The following MFAP3 variants were observed in gnomAD, a reference collection of about 807,000 sequenced individuals.
MFAP3 encodes the protein microfibril-associated glycoprotein 3.
MFAP3 carries 8 observed loss-of-function variants against 20.5 expected under a neutral mutation model. That is an observed-to-expected ratio of 0.39 (90% CI 0.23 to 0.70). MFAP3 has a LOEUF of 0.70. Ranked by LOEUF, MFAP3 falls within the 30% of genes least tolerant of loss-of-function variation. The pLI is 0.44. For missense variants in MFAP3, 398 were observed against 444.6 expected, an observed-to-expected ratio of 0.90 and a Z score of 0.94; for synonymous variants, 140 against 154.0, an observed-to-expected ratio of 0.91 and a Z score of 0.67.
chr5:154,053,198 G>C lies in MFAP3; in HGVS notation c.574G>C (p.Gly192Arg). 1 of 1,613,896 alleles carries C rather than the reference G, an allele frequency of 6.2e-7. No homozygotes were observed. Among genetic ancestry groups the C allele is most frequent in the Non-Finnish European group, 8.5e-7 (1 of 1,179,900 alleles). ...KAINEFFRTE[G>R]AEKLQKAFEI... ...TATCAATGAGTTCTTTAGAACTGAA[G>C]GGGCTGAGAAACTTCAGAAGGCCTT... Residue 192 changes from glycine (G) to arginine (R), a missense_variant, in exon 3 of 3, where the codon GGG becomes CGG. Transcript: ENST00000522782.
chr5:154,056,367 A>G lies in MFAP3; in HGVS notation c.*2654A>G, dbSNP rs993221431. ...GTATTACTTCGTAAAGCTAGTTTTC[A>G]AGAGGAAGAAAACCACACTTACTAA... On this transcript the variant is annotated 3_prime_UTR_variant, in exon 3 of 3. Coordinates refer to ENST00000522782, the MANE Select transcript of MFAP3 (RefSeq NM_005927.5). Among the ~76,000 whole-genome samples, 1 of 152,226 alleles carries G rather than the reference A, an allele frequency of 6.6e-6. No individual in the cohort carries two copies. Among genetic ancestry groups the G allele is most frequent in the Non-Finnish European group, 1.5e-5 (1 of 68,042 alleles).
At chr5:154,047,360 G>A (rs1581863287) in intron 1 of MFAP3, among the ~76,000 whole-genome samples, 1 of 152,174 alleles carries the variant, frequency 6.6e-6, no homozygotes, top group African/African-American at 2.4e-5. Context: ...CAGTAGGTAG[G>A]CACATGGTAG....
rs773606014 is a variant in MFAP3, at chr5:154,052,924, A to G, written c.300A>G (p.Gly100=). The G allele has an allele frequency of 6.2e-7, 1 of 1,606,962 alleles. No individual in the cohort carries two copies. The highest frequency in any genetic ancestry group is 1.1e-5 in the South Asian group (1 of 90,630). ...GQQLDGRSRG[G]KWLVSDNFLN... Reference sequence around the variant, plus strand: ...TCATTTCTGTTCAATTATCAGGTGGAAAGTGGTTGGTTTCTGATAACTTCC... The same window carrying G: ...TCATTTCTGTTCAATTATCAGGTGGGAAGTGGTTGGTTTCTGATAACTTCC... Residue 100 remains glycine, a synonymous_variant, in exon 3 of 3, where the codon GGA becomes GGG. Transcript: ENST00000522782.
Position 154,052,949 on chromosome 5 carries a change from C to T in MFAP3, c.325C>T (p.Leu109=). 6.2e-7 allele frequency: 1 copy of T among 1,613,230 alleles called. No homozygotes were observed. The highest frequency in any genetic ancestry group is 1.1e-5 in the South Asian group (1 of 91,018). The change falls in exon 3 of 3, where the codon CTA becomes TTA. Residue 109 remains leucine, a synonymous_variant. Transcript: ENST00000522782. ...GGKWLVSDNF[L]NITNVAFDDR... ...AAAGTGGTTGGTTTCTGATAACTTC[C>T]TAAACATCACCAATGTAGCTTTTGA...
chr5:154,049,707 T>A lies in MFAP3; in HGVS notation c.-16T>A. 1 of 1,603,578 alleles carries A rather than the reference T, an allele frequency of 6.2e-7. No homozygotes were observed. The highest frequency in any genetic ancestry group is 8.5e-7 in the Non-Finnish European group (1 of 1,173,596). Reference sequence around the variant, plus strand: ...TGAGTTCTCCAAATCTAAACAAGATTTTGTCCCATTTTCCCATGAAGCTAC... The same window carrying A: ...TGAGTTCTCCAAATCTAAACAAGATATTGTCCCATTTTCCCATGAAGCTAC... On this transcript the variant is annotated 5_prime_UTR_variant, in exon 2 of 3. Transcript: ENST00000522782.
At chr5:154,043,740 A>AT (rs1481748986) in intron 1 of MFAP3, among the ~76,000 whole-genome samples, 46 of 103,644 alleles carry the variant, frequency 4.4e-4, no homozygotes, top group African/African-American at 8.7e-4. Context: ...ATATATATAT[A>AT]TATTTTTTTT....
At chr5:154,045,270 G>A (rs1424893896) in intron 1 of MFAP3, among the ~76,000 whole-genome samples, 1 of 152,124 alleles carries the variant, frequency 6.6e-6, no homozygotes, top group African/African-American at 2.4e-5. Context: ...CTCAAAGAGG[G>A]GAGCCGTTGG....
In MFAP3 at chr5:154,052,768, C is replaced by T. The variant is rs554646666; in HGVS notation, c.296-152C>T. ...TTCTGACTCTGGACCTCACAGTCTGCCCTTTTTTTACATGATTTAAACAAA... is the reference window on the plus strand; with the variant it reads ...TTCTGACTCTGGACCTCACAGTCTGTCCTTTTTTTACATGATTTAAACAAA... On this transcript the variant is annotated intron_variant, in intron 2 of 2. Coordinates refer to ENST00000522782, the MANE Select transcript of MFAP3 (RefSeq NM_005927.5). The T allele has an allele frequency of 1.3e-4, 87 of 658,096 alleles. 2 individuals carry two copies. In the South Asian group the frequency reaches 1.9e-3, roughly 14 times the overall value. The allele number at this position is 658,096 out of a possible 1,614,324, so 40.8% of individuals were successfully genotyped here.
Position 154,050,607 on chromosome 5 carries a change from G to A in MFAP3, c.295+590G>A, listed in dbSNP as rs1442873454. Reference sequence around the variant, plus strand: ...ACTATGGAACTTGTAAGCCCTTCCAGCTCTTTTTTTTTTTTTTTTTTTTTT... The same window carrying A: ...ACTATGGAACTTGTAAGCCCTTCCAACTCTTTTTTTTTTTTTTTTTTTTTT... On this transcript the variant is annotated intron_variant, in intron 2 of 2. Coordinates refer to ENST00000522782, the MANE Select transcript of MFAP3 (RefSeq NM_005927.5). 2.8e-5 allele frequency among the ~76,000 whole-genome samples: 3 copies of A among 105,350 alleles called. No individual in the cohort carries two copies. The Admixed American group carries it at 3.5e-4, about 12-fold the overall frequency. The allele number at this position is 105,350 out of a possible 152,430, so 69.1% of individuals were successfully genotyped here.
rs369100665 is a variant in MFAP3 at position 154,053,499 on chromosome 5, G to A, written c.875G>A (p.Arg292Gln). ...GIYVINPEMG[R>Q]SNSPGGDSDD... The stretch of plus-strand genomic sequence containing the variant: ...TATGTCATTAACCCAGAGATGGGAC[G>A]GAGTAATTCACCAGGAGGAGATTCA... Residue 292 changes from arginine to glutamine, a missense_variant, in exon 3 of 3, where the codon CGG becomes CAG. Arg to Gln is a conservative substitution (Grantham distance 43). Transcript: ENST00000522782. The A allele has an allele frequency of 5.1e-5, 82 of 1,613,726 alleles. No homozygotes were observed. The highest frequency in any genetic ancestry group is 2.7e-4 in the African/African-American group (20 of 75,006).
chr5:154,044,592 G>A (rs1581861467), intron 1 of MFAP3, among the ~76,000 whole-genome samples: 1 of 152,200 alleles, frequency 6.6e-6, no homozygotes, highest in Non-Finnish European at 1.5e-5. Flanking sequence ...CAGTGTGCCA[G>A]GTTTCTTCTG....
rs1773245380 is a variant in MFAP3 at position 154,053,329 on chromosome 5, G to A, written c.705G>A (p.Leu235=). Residue 235 remains leucine, a synonymous_variant, in exon 3 of 3, where the codon CTG becomes CTA. Transcript: ENST00000522782. ...TMEFARYIEE[L]ARSVPLPPLI... ...AGTTTGCTCGTTATATTGAAGAACT[G>A]GCAAGAAGTGTCCCTCTTCCACCTC... 3.1e-6 allele frequency: 5 copies of A among 1,614,020 alleles called. No individual in the cohort carries two copies. Among genetic ancestry groups the A allele is most frequent in the Non-Finnish European group, 4.2e-6 (5 of 1,179,944 alleles).
chr5:154,052,828 CT>C, intron 2 of MFAP3, 91 bp from the exon 3 acceptor site: 1 of 1,126,398 alleles, frequency 8.9e-7, no homozygotes, highest in Non-Finnish European at 1.3e-6. Context: ...AGTTAAAGTA[CT>C]TTGATAAAGA....
In MFAP3 at chr5:154,053,157, G is replaced by A. The variant is rs771234860; in HGVS notation, c.533G>A (p.Arg178His). The A allele has an allele frequency of 7.4e-6, 12 of 1,613,692 alleles. No homozygotes were observed. Among genetic ancestry groups the A allele is most frequent in the African/African-American group, 2.7e-5 (2 of 74,864 alleles). The part of the protein sequence containing the change: ...TRLCMMSSHL[R>H]KTEKAINEFF... ...CTGTGCATGATGAGCAGCCATCTTC[G>A]CAAGACTGAGAAGGCTATCAATGAG... Residue 178 changes from arginine (R) to histidine (H), a missense_variant, in exon 3 of 3, where the codon CGC becomes CAC. Physicochemically the swap from Arg to His is conservative, Grantham distance 29. Transcript: ENST00000522782.
chr5:154,050,875 A>G (rs555612), intron 2 of MFAP3, among the ~76,000 whole-genome samples: 93,189 of 151,778 alleles, frequency 0.61, 29,128 homozygotes, highest in East Asian at 0.88. Flanking sequence ...AATCACCATG[A>G]AAAGCCAAAG....
At position 154,053,405 on chromosome 5, in the gene MFAP3, G is replaced by C; in HGVS notation, c.781G>C (p.Val261Leu). 1 of 1,614,022 alleles carries C rather than the reference G, an allele frequency of 6.2e-7. No individual in the cohort carries two copies. The highest frequency in any genetic ancestry group is 1.1e-5 in the South Asian group (1 of 91,078). The change falls in exon 3 of 3, where the codon GTG (valine) becomes CTG (leucine). Residue 261 changes from valine to leucine, a missense_variant. Transcript: ENST00000522782. ...TGAGGAGATGTTTGAGGCTGTGCGA[G>C]TGGACGACCCTGATGACCTGGGTGA... ...FVEEMFEAVR[V>L]DDPDDLGERI...
chr5:154,048,554 G>T (rs926855484), intron 1 of MFAP3, among the ~76,000 whole-genome samples: 1 of 152,050 alleles, frequency 6.6e-6, no homozygotes, highest in African/African-American at 2.4e-5. Context: ...ATAAAGCTAG[G>T]CATTTCATCC....
chr5:154,049,137 G>A (rs1028782994), intron 1 of MFAP3, among the ~76,000 whole-genome samples: 1 of 152,174 alleles, frequency 6.6e-6, no homozygotes, highest in Non-Finnish European at 1.5e-5. Flanking sequence ...TGGTAATGGT[G>A]CAGGTTGAAA....
Position 154,047,633 on chromosome 5 carries a change from T to A in MFAP3, c.-166-1924T>A, listed in dbSNP as rs117348962. ...TTTTCATTATGTTTATGTGTACGGT[T>A]ACATTTGTCCACAGAACTGATGTAG... On this transcript the variant is annotated intron_variant, in intron 1 of 2. Transcript: ENST00000522782. 8.1e-4 allele frequency among the ~76,000 whole-genome samples: 124 copies of A among 152,338 alleles called. 3 individuals carry two copies. The East Asian group carries it at 0.021, about 26-fold the overall frequency.
Sources: allele counts gnomAD v4.1 joint callset (sites outside exome capture counted in the v4.1 genomes callset), GRCh38; gene constraint gnomAD v4.1.1; transcripts MANE v1.5; gene names NCBI Gene and HGNC (gene_info 2026-07-23, HGNC 2026-07-21).